TMEM132D: variants seen among roughly 807,000 people sequenced by gnomAD.
TMEM132D encodes transmembrane protein 132D.
TMEM132D carries 21 observed loss-of-function variants against 62.3 expected under a neutral mutation model. The observed-to-expected ratio is 0.34, with a 90% CI of 0.24 to 0.49. The LOEUF is 0.49. Ranked by LOEUF, TMEM132D falls within the 20% of genes least tolerant of loss-of-function variation. The pLI is 0.99. For synonymous variants in TMEM132D, 621 were observed against 575.6 expected (o/e 1.08, Z -1.13); for missense variants, 1,346 against 1,402.8 (o/e 0.96, Z 0.65).
At chr12:129,549,637 C>T (rs974184223) in intron 2 of TMEM132D, among the ~76,000 whole-genome samples, 1 of 152,172 alleles carries the variant, frequency 6.6e-6, no homozygotes, top group Non-Finnish European at 1.5e-5. Flanking sequence ...ATTACCCAGT[C>T]GCAGGTATGT....
intron 4 of TMEM132D, among the ~76,000 whole-genome samples, chr12:129,282,602 T>C (rs1881187755): frequency 6.6e-6 from 1 of 152,142 alleles, no homozygotes; most frequent in East Asian, 1.9e-4. Flanking sequence ...CTGCACTGAG[T>C]TTATATTCAA....
intron 4 of TMEM132D, among the ~76,000 whole-genome samples, chr12:129,288,245 C>T (rs954578754): frequency 1.3e-5 from 2 of 152,124 alleles, no homozygotes; most frequent in African/African-American, 4.8e-5. Flanking sequence ...AGTGGTATTG[C>T]ATCAAGCTAA....
At chr12:129,563,614 C>G (rs1877295512) in intron 2 of TMEM132D, among the ~76,000 whole-genome samples, 1 of 152,096 alleles carries the variant, frequency 6.6e-6, no homozygotes, top group Admixed American at 6.6e-5. Flanking sequence ...AAGGCTCCCT[C>G]CATATTAAAC....
At chr12:129,733,059 C>A (rs1869302303) in intron 1 of TMEM132D, among the ~76,000 whole-genome samples, 1 of 152,160 alleles carries the variant, frequency 6.6e-6, no homozygotes, top group Admixed American at 6.5e-5. Context: ...TTTGATGGGT[C>A]CTGATCTGTG....
At chr12:129,258,134 C>G (rs1246292673) in intron 4 of TMEM132D, among the ~76,000 whole-genome samples, 2 of 152,184 alleles carry the variant, frequency 1.3e-5, no homozygotes, top group Non-Finnish European at 2.9e-5. Flanking sequence ...TCCTTTCCGG[C>G]TGGCTGATCT....
intron 4 of TMEM132D, among the ~76,000 whole-genome samples, chr12:129,335,528 C>T (rs1430906074): frequency 1.3e-5 from 2 of 152,052 alleles, no homozygotes; most frequent in African/African-American, 4.8e-5. Flanking sequence ...AATTGAGGCA[C>T]AATGAAATTA....
intron 3 of TMEM132D, among the ~76,000 whole-genome samples, chr12:129,499,258 G>T (rs1437953841): frequency 6.6e-6 from 1 of 152,176 alleles, no homozygotes; most frequent in Non-Finnish European, 1.5e-5. Flanking sequence ...CATGTTGAAG[G>T]TTCACGTGGT....
intron 5 of TMEM132D, among the ~76,000 whole-genome samples, chr12:129,168,720 A>T (rs1314614950): frequency 6.6e-6 from 1 of 152,154 alleles, no homozygotes; most frequent in Non-Finnish European, 1.5e-5. Context: ...GTGTAGTGTC[A>T]TCTCTGTCCT....
Position 129,419,402 on chromosome 12 carries a change from G to A in TMEM132D, c.1116-81585C>T, listed in dbSNP as rs186754946. ...CCTGCGTATTAGGGGATGAAGATGAGCGTGCAGGAACAGCAGCAAATATTT... is the reference window on the plus strand; with the variant it reads ...CCTGCGTATTAGGGGATGAAGATGAACGTGCAGGAACAGCAGCAAATATTT... On this transcript the variant is annotated intron_variant, in intron 3 of 8. Transcript: ENST00000422113. 4.3e-3 allele frequency among the ~76,000 whole-genome samples: 659 copies of A among 152,264 alleles called. 2 individuals are homozygous for A. Among genetic ancestry groups the A allele is most frequent in the Non-Finnish European group, 7.5e-3 (513 of 68,014 alleles).
At chr12:129,437,902 C>T (rs968580722) in intron 3 of TMEM132D, among the ~76,000 whole-genome samples, 3 of 147,472 alleles carry the variant, frequency 2.0e-5, no homozygotes, top group Admixed American at 6.8e-5. Context: ...CCCCCTCCCC[C>T]CGACAGGCCC....
At chr12:129,314,370 G>A (rs1290442348) in intron 4 of TMEM132D, among the ~76,000 whole-genome samples, 1 of 152,158 alleles carries the variant, frequency 6.6e-6, no homozygotes, top group Non-Finnish European at 1.5e-5. Context: ...GTTGAAAAGG[G>A]TGTCCTTTCC....
chr12:129,515,454 TA>T (rs1342185351), intron 3 of TMEM132D, among the ~76,000 whole-genome samples: 1 of 152,214 alleles, frequency 6.6e-6, no homozygotes, highest in African/African-American at 2.4e-5. Context: ...TATAAAATCT[TA>T]GAGTGACTTC....
intron 2 of TMEM132D, among the ~76,000 whole-genome samples, chr12:129,669,146 T>C (rs776596303): frequency 1.5e-4 from 23 of 152,152 alleles, no homozygotes; most frequent in Non-Finnish European, 1.9e-4. Context: ...AAGTGAAAAA[T>C]AAGTACTCTT....
intron 8 of TMEM132D, among the ~76,000 whole-genome samples, chr12:129,075,800 C>G (rs964360319): frequency 6.6e-6 from 1 of 152,248 alleles, no homozygotes; most frequent in Non-Finnish European, 1.5e-5. Flanking sequence ...TTTAGACCAA[C>G]TTTCTTTGCA....
At chr12:129,752,971 G>T (rs556280895) in intron 1 of TMEM132D, among the ~76,000 whole-genome samples, 6 of 152,344 alleles carry the variant, frequency 3.9e-5, no homozygotes, top group Non-Finnish European at 8.8e-5. Context: ...GAAGAAAAGG[G>T]AGTGGATGTT....
intron 1 of TMEM132D, among the ~76,000 whole-genome samples, chr12:129,723,197 C>T (rs748601): frequency 0.11 from 16,169 of 152,236 alleles, 966 homozygotes; most frequent in East Asian, 0.17. Context: ...GTTACAGTTT[C>T]GTGCTAATAT....
At chr12:129,601,954 C>CAA (rs796102756) in intron 2 of TMEM132D, among the ~76,000 whole-genome samples, 24 of 148,618 alleles carry the variant, frequency 1.6e-4, no homozygotes, top group African/African-American at 5.9e-4. Flanking sequence ...TTCAATTTAT[C>CAA]AAAAAAAAAA....
At chr12:129,660,914 C>A (rs1449344657) in intron 2 of TMEM132D, among the ~76,000 whole-genome samples, 2 of 152,154 alleles carry the variant, frequency 1.3e-5, no homozygotes, top group Non-Finnish European at 2.9e-5. Context: ...AGGAGTGAGG[C>A]AGAAGGTACC....
At chr12:129,289,970 C>T (rs752436109) in intron 4 of TMEM132D, among the ~76,000 whole-genome samples, 3 of 152,242 alleles carry the variant, frequency 2.0e-5, no homozygotes, top group South Asian at 2.1e-4. Flanking sequence ...GATTGGATCA[C>T]GCATGCCAGA....
Sources: allele counts gnomAD v4.1 joint callset (sites outside exome capture counted in the v4.1 genomes callset), GRCh38; gene constraint gnomAD v4.1.1; transcripts MANE v1.5; gene names NCBI Gene and HGNC (gene_info 2026-07-23, HGNC 2026-07-21).